Variants in CSMD3 observed in about 807,000 individuals in gnomAD.
CSMD3 encodes CUB and sushi domain-containing protein 3.
Under a neutral mutation model 435.2 loss-of-function variants are expected in CSMD3, and 177 were observed. The ratio of observed to expected loss-of-function variants is 0.41; its 90% CI spans 0.36 to 0.46. The LOEUF (loss-of-function observed/expected upper bound fraction) is 0.46. Among genes scored for constraint, CSMD3 ranks in the 20% least tolerant of loss-of-function variants. The pLI is 0.34. For synonymous variants in CSMD3, 1,656 were observed against 1,520.5 expected (o/e 1.09, Z -2.07); for missense variants, 4,265 against 4,504.6 (o/e 0.95, Z 1.52).
intron 27 of CSMD3, among the ~76,000 whole-genome samples, chr8:112,531,701 C>T (rs1825555370): frequency 6.6e-6 from 1 of 152,042 alleles, no homozygotes; most frequent in Non-Finnish European, 1.5e-5. Flanking sequence ...TTGGGGAACT[C>T]AATAATAAAT....
intron 1 of CSMD3, among the ~76,000 whole-genome samples, chr8:113,365,662 G>A (rs1464519118): frequency 6.6e-6 from 1 of 152,026 alleles, no homozygotes; most frequent in Non-Finnish European, 1.5e-5. Context: ...GATGTTACAA[G>A]ATAAATGATA....
At chr8:112,601,285 C>T (rs1221731420) in intron 22 of CSMD3, among the ~76,000 whole-genome samples, 1 of 151,932 alleles carries the variant, frequency 6.6e-6, no homozygotes, top group Non-Finnish European at 1.5e-5. Flanking sequence ...AAATGCACTT[C>T]CCGGTGAAGT....
At chr8:112,806,054 G>A (rs1255255390) in intron 12 of CSMD3, among the ~76,000 whole-genome samples, 8 of 152,020 alleles carry the variant, frequency 5.3e-5, no homozygotes, top group Non-Finnish European at 1.2e-4. Context: ...TGTTGATGCT[G>A]AAGGCATTAT....
intron 14 of CSMD3, among the ~76,000 whole-genome samples, chr8:112,687,858 C>A (rs1339510271): frequency 6.6e-6 from 1 of 152,078 alleles, no homozygotes; most frequent in East Asian, 1.9e-4. Flanking sequence ...AAAGTTAAGG[C>A]ACCCCAGTTT....
intron 2 of CSMD3, among the ~76,000 whole-genome samples, chr8:113,289,014 T>A (rs1302564265): frequency 6.6e-6 from 1 of 151,822 alleles, no homozygotes; most frequent in African/African-American, 2.4e-5. Flanking sequence ...CATTCAGTGA[T>A]AACTCTGGAG....
intron 1 of CSMD3, among the ~76,000 whole-genome samples, chr8:113,330,185 G>A (rs2094016804): frequency 6.6e-6 from 1 of 152,020 alleles, no homozygotes; most frequent in Non-Finnish European, 1.5e-5. Context: ...AATGAGGAGG[G>A]AATGAAAGCA....
chr8:112,409,116 G>GAA, intron 32 of CSMD3, 84 bp from the exon 33 acceptor site: 1 of 1,595,004 alleles, frequency 6.3e-7, no homozygotes, highest in Non-Finnish European at 8.6e-7. Flanking sequence ...GAAAGAGGAG[G>GAA]AGAGAGAGAA....
At chr8:112,655,861 T>G (rs1362440170) in intron 18 of CSMD3, among the ~76,000 whole-genome samples, 1 of 152,010 alleles carries the variant, frequency 6.6e-6, no homozygotes, top group African/African-American at 2.4e-5. Flanking sequence ...TATTATCTGT[T>G]TTTCAGAACT....
chr8:113,427,006 T>C (rs1430123579), intron 1 of CSMD3, among the ~76,000 whole-genome samples: 2 of 151,364 alleles, frequency 1.3e-5, no homozygotes, highest in Non-Finnish European at 3.0e-5. Context: ...CTATGACTAA[T>C]ACAAATGAGG....
At position 112,380,369 on chromosome 8, in the gene CSMD3, A is replaced by T; in HGVS notation, c.6119T>A (p.Phe2040Tyr). 6.3e-7 allele frequency: 1 copy of T among 1,577,012 alleles called. No individual in the cohort carries two copies. The highest frequency in any genetic ancestry group is 2.2e-5 in the East Asian group (1 of 44,544). Residue 2040 changes from phenylalanine (F) to tyrosine (Y), a missense_variant, in exon 38 of 71, where the codon TTT becomes TAT. Coordinates refer to ENST00000297405, the MANE Select transcript of CSMD3 (RefSeq NM_198123.2). Reference sequence around the variant, plus strand: ...ATTTTTACCTGTGTATTCAAGATGAAATCCTGCAGCAGAAACACTGATGTC... The same window carrying T: ...ATTTTTACCTGTGTATTCAAGATGATATCCTGCAGCAGAAACACTGATGTC... ...QSDISVSAAG[F>Y]HLEYTAIGLD...
intron 38 of CSMD3, among the ~76,000 whole-genome samples, chr8:112,378,788 G>A (rs1003841894): frequency 2.0e-5 from 3 of 152,030 alleles, no homozygotes; most frequent in Admixed American, 2.0e-4. Flanking sequence ...TTAAAATAAT[G>A]AGAAGAAAGA....
chr8:112,502,005 TAA>T (rs1227658606), intron 30 of CSMD3, among the ~76,000 whole-genome samples: 35 of 152,106 alleles, frequency 2.3e-4, no homozygotes, highest in African/African-American at 8.2e-4. Flanking sequence ...TGTGCAAGCA[TAA>T]ATACATGGAA....
chr8:112,651,541 ATT>A (rs1254096334), intron 18 of CSMD3, among the ~76,000 whole-genome samples: 44 of 137,130 alleles, frequency 3.2e-4, no homozygotes, highest in Non-Finnish European at 2.5e-4. Context: ...CACCCAGTGC[ATT>A]TTTTTTTTTT....
chr8:112,712,886 A>C (rs967821495), intron 13 of CSMD3, among the ~76,000 whole-genome samples: 2 of 152,046 alleles, frequency 1.3e-5, no homozygotes, highest in African/African-American at 4.8e-5. Context: ...CCTTCAGGAC[A>C]CCCAACTCAA....
intron 10 of CSMD3, among the ~76,000 whole-genome samples, chr8:112,910,389 C>T (rs918188167): frequency 6.6e-6 from 1 of 151,734 alleles, no homozygotes; most frequent in African/African-American, 2.4e-5. Flanking sequence ...ATAACTGTAC[C>T]TACTTTACAG....
chr8:112,548,312 T>G, intron 27 of CSMD3, among the ~76,000 whole-genome samples: 1 of 152,150 alleles, frequency 6.6e-6, no homozygotes, highest in Admixed American at 6.6e-5. Flanking sequence ...CTTGGAATTA[T>G]AATCAGGAAA....
At chr8:113,372,111 G>T (rs1359503457) in intron 1 of CSMD3, among the ~76,000 whole-genome samples, 1 of 152,076 alleles carries the variant, frequency 6.6e-6, no homozygotes, top group Non-Finnish European at 1.5e-5. Flanking sequence ...GCAAGGCCAG[G>T]TGCAATTTTT....
chr8:112,662,900 G>T (rs2075422347), intron 17 of CSMD3, among the ~76,000 whole-genome samples: 1 of 152,116 alleles, frequency 6.6e-6, no homozygotes, highest in African/African-American at 2.4e-5. Context: ...AGACATTTAT[G>T]CAGCCAAAAG....
chr8:112,732,710 A>G (rs1384624780), intron 13 of CSMD3, among the ~76,000 whole-genome samples: 2 of 151,738 alleles, frequency 1.3e-5, no homozygotes, highest in East Asian at 1.9e-4. Flanking sequence ...AAAAAAAAAA[A>G]AAAAAAGAAA....
Sources: allele counts gnomAD v4.1 joint callset (sites outside exome capture counted in the v4.1 genomes callset), GRCh38; gene constraint gnomAD v4.1.1; transcripts MANE v1.5; gene names NCBI Gene and HGNC (gene_info 2026-07-23, HGNC 2026-07-21).